Variants in TASOR observed in about 807,000 individuals in gnomAD.
The protein encoded by TASOR is transcription activation suppressor.
A neutral mutation model predicts 178.6 loss-of-function variants in TASOR; 53 were observed. The observed-to-expected ratio is 0.30, with a 90% CI of 0.24 to 0.37. TASOR has a LOEUF of 0.37. Ranked by LOEUF, TASOR falls within the 10% of genes least tolerant of loss-of-function variation. TASOR has a pLI of 1.00. For missense variants in TASOR, 1,815 were observed against 1,971.4 expected, an observed-to-expected ratio of 0.92 and a Z score of 1.50; for synonymous variants, 713 against 696.2, an observed-to-expected ratio of 1.02 and a Z score of -0.38.
intron 8 of TASOR, among the ~76,000 whole-genome samples, chr3:56,662,950 G>A (rs979625953): frequency 4.6e-5 from 7 of 152,088 alleles, no homozygotes; most frequent in Admixed American, 2.0e-4. Flanking sequence ...AGGCCGAGGC[G>A]GGTGGATCAC....
At chr3:56,682,537 T>G in intron 1 of TASOR, 139 bp downstream of exon 1, 2 of 755,274 alleles carry the variant, frequency 2.6e-6, no homozygotes. Flanking sequence ...TGGGCGGCCG[T>G]GGCGGTGAGG....
At position 56,633,376 on chromosome 3, in the gene TASOR, T is replaced by G; in HGVS notation, c.3415A>C (p.Ser1139Arg). 6.2e-7 allele frequency: 1 copy of G among 1,614,208 alleles called. No homozygotes were observed. The highest frequency in any genetic ancestry group is 8.5e-7 in the Non-Finnish European group (1 of 1,180,028). Residue 1139 changes from serine (S) to arginine (R), a missense_variant, in exon 18 of 24, where the codon AGT becomes CGT. Ser to Arg is a moderately radical substitution (Grantham distance 110). Transcript: ENST00000683822. ...GAGTTGGTATCTTTCAAAGGATCAC[T>G]ACACAGTGGCTCAAGGAGATGTTTA... ...NNKHLLEPLC[S>R]DPLKDTNSDE... is the part of the protein sequence containing the mutation.
chr3:56,642,895 G>A (rs1467791685), intron 14 of TASOR, among the ~76,000 whole-genome samples: 2 of 152,000 alleles, frequency 1.3e-5, no homozygotes, highest in African/African-American at 2.4e-5. Flanking sequence ...AGAATCACTT[G>A]AACCCAGGAG....
intron 1 of TASOR, among the ~76,000 whole-genome samples, chr3:56,676,989 A>G (rs2031356334): frequency 1.3e-5 from 2 of 152,218 alleles, no homozygotes; most frequent in Non-Finnish European, 2.9e-5. Context: ...GCCGGTTATA[A>G]TTTCTCATTT....
intron 11 of TASOR, among the ~76,000 whole-genome samples, chr3:56,657,365 G>A (rs11719707): frequency 0.11 from 16,654 of 150,198 alleles, 1,263 homozygotes; most frequent in South Asian, 0.35. Flanking sequence ...ATCTTATTTC[G>A]TGTATCATCT....
chr3:56,656,278 T>C (rs932002558), intron 11 of TASOR, among the ~76,000 whole-genome samples: 14 of 152,134 alleles, frequency 9.2e-5, no homozygotes, highest in African/African-American at 3.4e-4. Context: ...AAACAGAAAA[T>C]GTACTAACAT....
chr3:56,670,682 T>C (rs186062220), intron 3 of TASOR, among the ~76,000 whole-genome samples: 2 of 152,208 alleles, frequency 1.3e-5, no homozygotes, highest in Non-Finnish European at 2.9e-5. Flanking sequence ...ACGCCTGTAA[T>C]ACCAGCACTT....
intron 23 of TASOR, 111 bp downstream of exon 23, chr3:56,624,368 T>A: frequency 9.4e-7 from 1 of 1,060,268 alleles, no homozygotes; most frequent in Non-Finnish European, 1.4e-6. Context: ...CCTATGGCTG[T>A]TTATACTGAG....
chr3:56,679,611 T>C lies in TASOR; in HGVS notation c.331+3065A>G, dbSNP rs535751459. On this transcript the variant is annotated intron_variant, in intron 1 of 23. Transcript: ENST00000683822. ...TCTGGACTAAACCAGTATGGAAATT[T>C]AGTGCATGAGCGCAATTAATTTTTG... Among the ~76,000 whole-genome samples, 18 of 152,332 alleles carry C rather than the reference T, an allele frequency of 1.2e-4. No individual in the cohort carries two copies. The South Asian group carries it at 3.1e-3, about 26-fold the overall frequency.
intron 11 of TASOR, among the ~76,000 whole-genome samples, chr3:56,657,440 A>C (rs557465371): frequency 6.6e-6 from 1 of 152,306 alleles, no homozygotes; most frequent in East Asian, 1.9e-4. Flanking sequence ...TAGCCTTCTA[A>C]TATACAAAAA....
At chr3:56,641,805 CT>C in intron 14 of TASOR, 53 bp from the exon 15 acceptor site, 2 of 1,514,726 alleles carry the variant, frequency 1.3e-6, no homozygotes, top group South Asian at 2.6e-5. Context: ...AAGCATAAAA[CT>C]TTTAAAATCA....
chr3:56,646,854 T>C lies in TASOR; in HGVS notation c.1883A>G (p.Lys628Arg). ...TGAAAGTGGACTAAACTGCTGAAGTTTTCTATTTTCTTCAAATAGTTCTTT... is the reference window on the plus strand; with the variant it reads ...TGAAAGTGGACTAAACTGCTGAAGTCTTCTATTTTCTTCAAATAGTTCTTT... ...KLKELFEENRKLQQFSPLSDY... is the reference protein window; with the variant it reads ...KLKELFEENRRLQQFSPLSDY... The change falls in exon 14 of 24, where the codon AAA becomes AGA. Residue 628 changes from lysine (K) to arginine (R), a missense_variant. Around this residue, in one of 5 missense-constraint regions of TASOR, gnomAD observed 504 missense variants for 645.3 expected, o/e 0.78. Coordinates refer to ENST00000683822, the MANE Select transcript of TASOR (RefSeq NM_001365635.2). 1.2e-6 allele frequency: 2 copies of C among 1,605,750 alleles called. No homozygotes were observed. Among genetic ancestry groups the C allele is most frequent in the Non-Finnish European group, 1.7e-6 (2 of 1,178,068 alleles).
intron 7 of TASOR, 42 bp downstream of exon 7, chr3:56,666,218 G>A (rs746868527): frequency 6.8e-7 from 1 of 1,466,058 alleles, no homozygotes; most frequent in South Asian, 1.5e-5. Context: ...ATCTGTAGTA[G>A]AATTATCACT....
At chr3:56,659,480 C>T (rs527471728) in intron 11 of TASOR, among the ~76,000 whole-genome samples, 24 of 152,232 alleles carry the variant, frequency 1.6e-4, no homozygotes, top group African/African-American at 5.8e-4. Flanking sequence ...TGACCCAATC[C>T]CTCTACCCAA....
chr3:56,623,821 AG>A, intron 23 of TASOR: 2 of 1,551,234 alleles, frequency 1.3e-6, no homozygotes, highest in Non-Finnish European at 1.7e-6. Flanking sequence ...CCAGCTCCAA[AG>A]GGGTTAATGT....
chr3:56,670,294 A>T, intron 3 of TASOR, 149 bp from the exon 4 acceptor site: 1 of 492,726 alleles, frequency 2.0e-6, no homozygotes, highest in African/African-American at 2.0e-5. Context: ...TTGCCACTTT[A>T]TAAATATTAA....
intron 1 of TASOR, among the ~76,000 whole-genome samples, chr3:56,675,999 C>A (rs1230758637): frequency 6.6e-6 from 1 of 152,186 alleles, no homozygotes; most frequent in African/African-American, 2.4e-5. Flanking sequence ...AAATAGTCAA[C>A]AGTTATAGCA....
At chr3:56,654,591 C>T (rs2077429763) in intron 11 of TASOR, among the ~76,000 whole-genome samples, 1 of 152,036 alleles carries the variant, frequency 6.6e-6, no homozygotes, top group Admixed American at 6.6e-5. Flanking sequence ...TCCTGTCAAG[C>T]TATTTTCGGA....
chr3:56,628,807 C>T (rs1397232792), intron 18 of TASOR, 193 bp from the exon 19 acceptor site: 2 of 415,348 alleles, frequency 4.8e-6, no homozygotes, highest in Non-Finnish European at 8.5e-6. Flanking sequence ...ATTGCCCAGG[C>T]TGGAGTATAG....
Sources: allele counts gnomAD v4.1 joint callset (sites outside exome capture counted in the v4.1 genomes callset), GRCh38; gene constraint gnomAD v4.1.1; regional missense constraint gnomAD v4.1.1; transcripts MANE v1.5; gene names NCBI Gene and HGNC (gene_info 2026-07-23, HGNC 2026-07-21).